The following LTA4H variants were observed in gnomAD, a reference collection of about 807,000 sequenced individuals.
LTA4H encodes leukotriene A-4 hydrolase.
In LTA4H, 59 loss-of-function variants were observed where a neutral mutation model predicts 89.8. The ratio of observed to expected loss-of-function variants is 0.66; its 90% confidence interval spans 0.53 to 0.82. The LOEUF (loss-of-function observed/expected upper bound fraction) is 0.82, where lower values mean the gene tolerates loss of function less well. LTA4H is among the 40% of genes least tolerant of loss of function. The pLI, the probability that LTA4H is intolerant of heterozygous loss-of-function variation, is 0.00. For missense variants in LTA4H, 617 were observed against 727.0 expected (o/e 0.85, Z 1.74); for synonymous variants, 227 against 253.1 (o/e 0.90, Z 0.98).
chr12:96,015,651 C>T lies in LTA4H; in HGVS notation c.991G>A (p.Gly331Arg), dbSNP rs138184255. Residue 331 changes from glycine (G) to arginine (R), a missense_variant, in exon 11 of 19, where the codon GGA (glycine) becomes AGA (arginine). Around this residue, in one of 3 missense-constraint regions of LTA4H, gnomAD observed 290 missense variants for 339.1 expected, o/e 0.86. Coordinates refer to ENST00000228740, the MANE Select transcript of LTA4H (RefSeq NM_000895.3). ...HTVYLERHIC[G>R]RLFGEKFRHF... ...CTGAACTTTTCACCAAACAATCGTCCGCAAATGTGGCGTTCCAAGTACACA... is the reference window on the plus strand; with the variant it reads ...CTGAACTTTTCACCAAACAATCGTCTGCAAATGTGGCGTTCCAAGTACACA... The T allele has an allele frequency of 1.4e-4, 231 of 1,613,892 alleles. No homozygotes were observed. The highest frequency in any genetic ancestry group is 1.8e-4 in the Non-Finnish European group (210 of 1,179,930).
intron 18 of LTA4H, among the ~76,000 whole-genome samples, chr12:96,002,244 ATATACT>A (rs1458631406): frequency 2.6e-5 from 4 of 152,222 alleles, no homozygotes; most frequent in African/African-American, 9.6e-5. Flanking sequence ...AGCATATAAA[ATATACT>A]TAAAACTTAA....
intron 10 of LTA4H, among the ~76,000 whole-genome samples, chr12:96,016,314 A>AT (rs1279472612): frequency 6.6e-6 from 1 of 151,220 alleles, no homozygotes; most frequent in African/African-American, 2.4e-5. Flanking sequence ...AAAAAAAAAA[A>AT]AAAAAATCCT....
chr12:96,012,920 T>A (rs1166188207), intron 14 of LTA4H: 3 of 368,096 alleles, frequency 8.2e-6, no homozygotes, highest in Non-Finnish European at 1.5e-5. Context: ...TTGCAGAAGT[T>A]TGAAGGAAGA....
rs762956640 is a variant in LTA4H at position 96,024,509 on chromosome 12, A to C, written c.450T>G (p.Thr150=). The C allele has an allele frequency of 6.2e-7, 1 of 1,611,656 alleles. No individual in the cohort carries two copies. The highest frequency in any genetic ancestry group is 1.3e-5 in the African/African-American group (1 of 74,976). ...HCRAILPCQD[T]PSVKLTYTAE... ...CAGTATAGGTTAATTTCACAGAAGG[A>C]GTGTCCTGACAAGGAAGGATTGCTC... The change falls in exon 4 of 19, where the codon ACT becomes ACG. Residue 150 remains threonine (T), a synonymous_variant. Transcript: ENST00000228740.
rs1031521438 is a variant in LTA4H, at chr12:96,017,448, A to G, written c.876+109T>C. The G allele has an allele frequency of 5.4e-6, 5 of 927,574 alleles. No homozygotes were observed. In the African/African-American group the frequency reaches 6.7e-5, roughly 12 times the overall value. 57.5% of individuals were successfully genotyped at this position (927,574 alleles called of 1,614,324 possible). A position where few individuals can be genotyped will look rare whatever the true frequency, so the allele number is the denominator to read the frequency against. On this transcript the variant is annotated intron_variant, in intron 9 of 18. Coordinates refer to ENST00000228740, the MANE Select transcript of LTA4H (RefSeq NM_000895.3). ...GTTAATAATGTGAGAAGAGTCCCCA[A>G]ATTGTCCATTATAACCATATCTTTA...
chr12:96,029,043 T>C lies in LTA4H; in HGVS notation c.290+12A>G, dbSNP rs564587489. 33 of 1,548,584 alleles carry C rather than the reference T, an allele frequency of 2.1e-5. No individual in the cohort carries two copies. Among genetic ancestry groups the C allele is most frequent in the Middle Eastern group, 3.5e-4 (2 of 5,768 alleles). On this transcript the variant is annotated intron_variant, in intron 2 of 18. Transcript: ENST00000228740. Reference sequence around the variant, plus strand: ...ATTTAGCTGTAAAAGAGAAAGATCATAACATTCATACTTGCTCAAAGCGAT... The same window carrying C: ...ATTTAGCTGTAAAAGAGAAAGATCACAACATTCATACTTGCTCAAAGCGAT...
At chr12:96,020,065 G>A (rs114622685) in intron 6 of LTA4H, among the ~76,000 whole-genome samples, 1,694 of 151,912 alleles carry the variant, frequency 0.011, 32 homozygotes, top group African/African-American at 0.038. Flanking sequence ...TACCATGCCC[G>A]ATTAATTTTT....
chr12:96,017,433 T>G, intron 9 of LTA4H, 124 bp downstream of exon 9: 1 of 766,378 alleles, frequency 1.3e-6, no homozygotes, highest in Non-Finnish European at 2.1e-6. Context: ...GTTAATAATG[T>G]GAGAAGAGTC....
chr12:96,013,645 A>G, intron 13 of LTA4H, 105 bp downstream of exon 13: 1 of 660,408 alleles, frequency 1.5e-6, no homozygotes, highest in Non-Finnish European at 2.7e-6. Flanking sequence ...GTTGAGTCCT[A>G]AAGTTCTGAA....
chr12:96,020,996 CA>C, intron 6 of LTA4H, 88 bp downstream of exon 6: 1 of 970,820 alleles, frequency 1.0e-6, no homozygotes, highest in Non-Finnish European at 1.6e-6. Flanking sequence ...GAGAAATATG[CA>C]AATGATTGAC....
At chr12:96,040,630 G>T (rs1295095360) in intron 1 of LTA4H, among the ~76,000 whole-genome samples, 1 of 152,326 alleles carries the variant, frequency 6.6e-6, no homozygotes, top group East Asian at 1.9e-4. Flanking sequence ...GTATCATGAT[G>T]TTGGAGCCAT....
chr12:96,030,376 G>A (rs1201387514), intron 1 of LTA4H, among the ~76,000 whole-genome samples: 2 of 152,032 alleles, frequency 1.3e-5, no homozygotes, highest in Non-Finnish European at 2.9e-5. Flanking sequence ...TGCCATTCTA[G>A]TTCTACAGTT....
At chr12:96,004,081 T>C in intron 16 of LTA4H, 161 bp from the exon 17 acceptor site, 2 of 406,560 alleles carry the variant, frequency 4.9e-6, no homozygotes, top group Non-Finnish European at 8.8e-6. Flanking sequence ...CTAAGTAAAT[T>C]CTGTGCAAAC....
At chr12:96,034,327 C>T (rs994284634) in intron 1 of LTA4H, among the ~76,000 whole-genome samples, 4 of 152,092 alleles carry the variant, frequency 2.6e-5, no homozygotes, top group Non-Finnish European at 5.9e-5. Context: ...TGAAAGGTAC[C>T]TTCAGATGAA....
In LTA4H at chr12:96,018,820, G is replaced by A; in HGVS notation, c.795C>T (p.Ser265=). 1 of 1,603,438 alleles carries A rather than the reference G, an allele frequency of 6.2e-7. No individual in the cohort carries two copies. The highest frequency in any genetic ancestry group is 8.5e-7 in the Non-Finnish European group (1 of 1,175,228). ...GATTCTCCATGCCACCATAAGGGAAGGATGGTGGCAGGACCAATAGGTCAT... is the reference window on the plus strand; with the variant it reads ...GATTCTCCATGCCACCATAAGGGAAAGATGGTGGCAGGACCAATAGGTCAT... ...GQYDLLVLPP[S]FPYGGMENPC... Residue 265 remains serine, a synonymous_variant, in exon 8 of 19, where the codon TCC becomes TCT. Transcript: ENST00000228740.
At chr12:96,042,298 G>A (rs373101927) in intron 1 of LTA4H, among the ~76,000 whole-genome samples, 3 of 152,024 alleles carry the variant, frequency 2.0e-5, no homozygotes, top group African/African-American at 4.8e-5. Flanking sequence ...GTCCACTAAC[G>A]CAGGCCTCCA....
exon 1 of LTA4H, chr12:96,043,321 C>T: frequency 6.5e-7 from 1 of 1,535,522 alleles, no homozygotes; most frequent in Non-Finnish European, 8.7e-7. Context: ...CGAGTCTTAA[C>T]TGGGATATGC....
At chr12:96,035,991 G>A (rs1383919470), upstream of LTA4H, among the ~76,000 whole-genome samples, 1 of 152,196 alleles carries the variant, frequency 6.6e-6, no homozygotes, top group Non-Finnish European at 1.5e-5. Context: ...ACGTAGAAAA[G>A]GCCTATCAGA....
exon 1 of LTA4H, chr12:96,043,333 T>A: frequency 6.5e-7 from 1 of 1,535,496 alleles, no homozygotes; most frequent in South Asian, 1.2e-5. Context: ...GGGATATGCA[T>A]GGTCGGTACT....
Sources: gnomAD v4.1 joint callset for allele counts (sites outside exome capture counted in the v4.1 genomes callset) on GRCh38, gnomAD v4.1.1 for gene constraint, gnomAD v4.1.1 regional missense constraint, MANE v1.5 for transcripts, NCBI Gene and HGNC (gene_info 2026-07-23, HGNC 2026-07-21) for gene names.